Variants in SYT14 observed in about 807,000 individuals in gnomAD.
SYT14 encodes the protein synaptotagmin-14.
SYT14 carries 32 observed loss-of-function variants against 74.2 expected under a neutral mutation model. The observed-to-expected ratio is 0.43, with a 90% CI of 0.33 to 0.58. SYT14 has a LOEUF of 0.58. Ranked by LOEUF, SYT14 falls within the 20% of genes least tolerant of loss-of-function variation. The pLI, the probability that SYT14 is intolerant of heterozygous loss-of-function variation, is 0.05. For synonymous variants in SYT14, 298 were observed against 337.7 expected (o/e 0.88, Z 1.29); for missense variants, 791 against 981.8 (o/e 0.81, Z 2.60).
chr1:210,111,724 A>G (rs745667916), intron 7 of SYT14, among the ~76,000 whole-genome samples: 1 of 151,260 alleles, frequency 6.6e-6, no homozygotes, highest in Non-Finnish European at 1.5e-5. Flanking sequence ...TTGAAAAAGT[A>G]AACAGAAGAC....
intron 2 of SYT14, among the ~76,000 whole-genome samples, chr1:210,012,497 G>A (rs890104678): frequency 1.5e-4 from 23 of 152,184 alleles, no homozygotes; most frequent in African/African-American, 3.6e-4. Flanking sequence ...TGAATATTGC[G>A]GATTCTGAGG....
At chr1:210,036,787 G>A (rs2080673605) in intron 5 of SYT14, among the ~76,000 whole-genome samples, 1 of 152,030 alleles carries the variant, frequency 6.6e-6, no homozygotes, top group South Asian at 2.1e-4. Flanking sequence ...AATCCCACTT[G>A]ATCGTGGTGT....
At chr1:209,943,294 AG>A (rs1343594220) in intron 1 of SYT14, among the ~76,000 whole-genome samples, 1 of 152,026 alleles carries the variant, frequency 6.6e-6, no homozygotes, top group Non-Finnish European at 1.5e-5. Context: ...AGTTGAAGTC[AG>A]GAGTTTTGAG....
rs372961472 is a variant in SYT14, at chr1:209,978,478, CCT to C, written c.-486+25723_-486+25724del. 8.1e-3 allele frequency among the ~76,000 whole-genome samples: 1,231 copies of C among 152,228 alleles called. 21 individuals carry two copies. Among genetic ancestry groups the C allele is most frequent in the African/African-American group, 0.028 (1,175 of 41,548 alleles). ...AGTTTGCTAGAGGTCCACTCCAGAC[CCT>C]GTTTGCCTGGGTATCAGCAGCAGAG... On this transcript the variant is annotated intron_variant, in intron 2 of 9. Coordinates refer to ENST00000637265, the Ensembl canonical transcript of SYT14.
At chr1:210,131,509 C>T (rs185088456) in intron 7 of SYT14, among the ~76,000 whole-genome samples, 1 of 151,560 alleles carries the variant, frequency 6.6e-6, no homozygotes, top group Non-Finnish European at 1.5e-5. Flanking sequence ...AGAGGCAAGA[C>T]TTATGGAAAA....
intron 5 of SYT14, among the ~76,000 whole-genome samples, chr1:210,044,066 C>A (rs1440094216): frequency 6.6e-6 from 1 of 152,092 alleles, no homozygotes; most frequent in African/African-American, 2.4e-5. Context: ...GCAGTAGACC[C>A]CAGAAGTTAT....
At chr1:210,121,133 T>C (rs888884784) in intron 7 of SYT14, among the ~76,000 whole-genome samples, 1 of 152,174 alleles carries the variant, frequency 6.6e-6, no homozygotes, top group South Asian at 2.1e-4. Flanking sequence ...TAAAAAGAGA[T>C]AGTAACGATA....
At chr1:210,106,401 A>G (rs2082158130) in intron 7 of SYT14, among the ~76,000 whole-genome samples, 1 of 152,178 alleles carries the variant, frequency 6.6e-6, no homozygotes, top group Non-Finnish European at 1.5e-5. Context: ...TGCCGCTTGT[A>G]TTAGTCTGTT....
chr1:210,052,107 C>T (rs970018552), intron 5 of SYT14, among the ~76,000 whole-genome samples: 2 of 152,084 alleles, frequency 1.3e-5, no homozygotes, highest in Admixed American at 1.3e-4. Context: ...TCTTTTTGAG[C>T]TCTTGGTTAA....
At chr1:210,106,637 C>G (rs932901779) in intron 7 of SYT14, among the ~76,000 whole-genome samples, 12 of 152,134 alleles carry the variant, frequency 7.9e-5, no homozygotes, top group Admixed American at 7.2e-4. Flanking sequence ...AACGAACTCA[C>G]TCTTATGAGA....
intron 5 of SYT14, among the ~76,000 whole-genome samples, chr1:210,039,978 C>T (rs192688623): frequency 6.6e-6 from 1 of 152,202 alleles, no homozygotes; most frequent in African/African-American, 2.4e-5. Context: ...GTGGTGATTT[C>T]CTCAAGGATG....
intron 3 of SYT14, among the ~76,000 whole-genome samples, chr1:210,015,318 A>T (rs2080161007): frequency 6.6e-6 from 1 of 152,188 alleles, no homozygotes; most frequent in Non-Finnish European, 1.5e-5. Context: ...TTGTAAAACT[A>T]GTCTTGACCT....
At chr1:210,122,562 G>A (rs1014369298) in intron 7 of SYT14, among the ~76,000 whole-genome samples, 2 of 149,454 alleles carry the variant, frequency 1.3e-5, no homozygotes, top group Non-Finnish European at 3.0e-5. Flanking sequence ...GTGCCAGAGA[G>A]TTCATTTTTT....
chr1:209,967,093 T>C (rs1376553334), intron 2 of SYT14, among the ~76,000 whole-genome samples: 1 of 152,214 alleles, frequency 6.6e-6, no homozygotes, highest in African/African-American at 2.4e-5. Flanking sequence ...TCATATGATT[T>C]TAAAACTTTT....
At chr1:209,992,997 A>G (rs1018450391) in intron 2 of SYT14, among the ~76,000 whole-genome samples, 6 of 152,152 alleles carry the variant, frequency 3.9e-5, no homozygotes, top group African/African-American at 1.2e-4. Context: ...CACTTTCACC[A>G]CTGACCCCTA....
Position 210,039,643 on chromosome 1 carries a change from A to C in SYT14, c.1312+18389A>C, listed in dbSNP as rs1037038392. 3.9e-5 allele frequency among the ~76,000 whole-genome samples: 6 copies of C among 152,192 alleles called. No individual in the cohort carries two copies. In the East Asian group the frequency reaches 1.2e-3, roughly 29 times the overall value. ...TTTTTGCAATCTGTCCATCTGACAA[A>C]GGACTAATATCCAGAATCTACAAAG... On this transcript the variant is annotated intron_variant, in intron 5 of 9. Transcript: ENST00000637265.
intron 2 of SYT14, among the ~76,000 whole-genome samples, chr1:209,993,444 A>C (rs1027572408): frequency 6.6e-6 from 1 of 152,200 alleles, no homozygotes; most frequent in African/African-American, 2.4e-5. Flanking sequence ...GCTGCGGGAC[A>C]TCTGGGTACC....
At chr1:210,147,014 A>T (rs1001820792) in intron 7 of SYT14, among the ~76,000 whole-genome samples, 3 of 152,082 alleles carry the variant, frequency 2.0e-5, no homozygotes, top group Non-Finnish European at 4.4e-5. Context: ...TCACATTTTA[A>T]AAAGTATGAG....
At chr1:210,161,489 T>A (rs1160158969) in exon 10 of SYT14, 3 of 454,038 alleles carry the variant, frequency 6.6e-6, no homozygotes, top group Non-Finnish European at 8.8e-6. Context: ...TTCTTTAATA[T>A]GAAAAAGTAG....
Sources: allele counts gnomAD v4.1 joint callset (sites outside exome capture counted in the v4.1 genomes callset), GRCh38; gene constraint gnomAD v4.1.1; transcripts MANE v1.5; gene names NCBI Gene and HGNC (gene_info 2026-07-23, HGNC 2026-07-21).